Variants in C9orf57 observed in about 807,000 individuals in gnomAD.
C9orf57 encodes chromosome 9 open reading frame 57, also known as uncharacterized protein C9orf57.
C9orf57 carries 12 observed loss-of-function variants against 12.9 expected under a neutral mutation model. The observed-to-expected ratio is 0.93, with a 90% CI of 0.60 to 1.51. The LOEUF is 1.51. Ranked by LOEUF, C9orf57 falls within the 40% of genes most tolerant of loss-of-function variation. The pLI is 0.00. For missense variants in C9orf57, 141 were observed against 162.8 expected (o/e 0.87, Z 0.73); for synonymous variants, 49 against 57.1 (o/e 0.86, Z 0.64).
chr9:72,058,677 C>A (rs1186812791), intron 2 of C9orf57, among the ~76,000 whole-genome samples: 1 of 152,112 alleles, frequency 6.6e-6, no homozygotes, highest in Non-Finnish European at 1.5e-5. Context: ...ATGTTTTCTG[C>A]AATGTGTTTT....
chr9:72,060,562 C>A lies in C9orf57; in HGVS notation c.-119G>T, dbSNP rs143095490. On this transcript the variant is annotated 5_prime_UTR_variant, in exon 1 of 5. Transcript: ENST00000651200. Reference sequence around the variant, plus strand: ...CTGAACTTTCTTAAAAGGATGAGAACGAGTACAATTTGTGATGTGATGAAG... The same window carrying A: ...CTGAACTTTCTTAAAAGGATGAGAAAGAGTACAATTTGTGATGTGATGAAG... 2 of 1,545,986 alleles carry A rather than the reference C, an allele frequency of 1.3e-6. No individual in the cohort carries two copies. Among genetic ancestry groups the A allele is most frequent in the East Asian group, 2.5e-5 (1 of 40,800 alleles).
intron 4 of C9orf57, among the ~76,000 whole-genome samples, chr9:72,054,397 A>G (rs1470262887): frequency 6.6e-6 from 1 of 152,260 alleles, no homozygotes; most frequent in East Asian, 1.9e-4. Flanking sequence ...GTAGATACCA[A>G]GAAATAGAAT....
chr9:72,053,537 G>A (rs1824123902), intron 4 of C9orf57, among the ~76,000 whole-genome samples: 1 of 152,106 alleles, frequency 6.6e-6, no homozygotes, highest in African/African-American at 2.4e-5. Context: ...CCACATTCAG[G>A]AAGAGAAGAG....
In C9orf57 at chr9:72,056,855, C is replaced by A; in HGVS notation, c.98-12G>T. The stretch of plus-strand genomic sequence containing the variant: ...GCAGGTTCCCAGGTCTAAAAGACAT[C>A]CATGGAAGGGGATTGAAAGATTGCA... On this transcript the variant is annotated splice_polypyrimidine_tract_variant and intron_variant, in intron 2 of 4. Transcript: ENST00000651200. The A allele has an allele frequency of 1.3e-6, 2 of 1,548,974 alleles. No individual in the cohort carries two copies. The highest frequency in any genetic ancestry group is 2.4e-5 in the South Asian group (2 of 83,980).
chr9:72,054,332 G>A (rs745641789), intron 4 of C9orf57, among the ~76,000 whole-genome samples: 12 of 152,316 alleles, frequency 7.9e-5, no homozygotes, highest in South Asian at 2.1e-4. Flanking sequence ...ACTATTAAAC[G>A]TAATGCTGCA....
At chr9:72,057,952 G>A (rs904257770) in intron 2 of C9orf57, among the ~76,000 whole-genome samples, 1 of 152,258 alleles carries the variant, frequency 6.6e-6, no homozygotes, top group South Asian at 2.1e-4. Context: ...CTAGAAGATT[G>A]TTTTCCAAAT....
intron 4 of C9orf57, among the ~76,000 whole-genome samples, chr9:72,055,574 G>T (rs1824181502): frequency 6.6e-6 from 1 of 152,004 alleles, no homozygotes; most frequent in South Asian, 2.1e-4. Flanking sequence ...CTACAGGTGT[G>T]TGCTACCATG....
chr9:72,058,481 T>C (rs1824254935), intron 2 of C9orf57, among the ~76,000 whole-genome samples: 1 of 152,132 alleles, frequency 6.6e-6, no homozygotes, highest in Admixed American at 6.5e-5. Flanking sequence ...TTCTTATAGC[T>C]TCTGCAGGGA....
At chr9:72,059,090 T>C (rs1350654493) in intron 2 of C9orf57, 145 bp downstream of exon 2, 4 of 950,044 alleles carry the variant, frequency 4.2e-6, no homozygotes, top group East Asian at 5.4e-5. Flanking sequence ...TTGGTCAGGC[T>C]GGTCTTGAAC....
chr9:72,056,972 C>G, intron 2 of C9orf57, 129 bp from the exon 3 acceptor site: 1 of 663,794 alleles, frequency 1.5e-6, no homozygotes, highest in Non-Finnish European at 2.4e-6. Flanking sequence ...TGCAGTGGCA[C>G]AATCTCGGCT....
chr9:72,057,728 A>C (rs372230840), intron 2 of C9orf57, among the ~76,000 whole-genome samples: 2 of 152,216 alleles, frequency 1.3e-5, no homozygotes, highest in Non-Finnish European at 2.9e-5. Context: ...AATTTCAGCC[A>C]CATATTCACT....
rs1476789333 is a variant in C9orf57 at position 72,056,000 on chromosome 9, ATATGAAAG to A, written c.280+66_280+73del. On this transcript the variant is annotated intron_variant, in intron 4 of 4. Coordinates refer to ENST00000651200, the MANE Select transcript of C9orf57 (RefSeq NM_001128618.2). ...CAAAGCCCTTAGTGTAGCATCTGGT[ATATGAAAG>A]TTTGTTGTGATAAGCATTTTCCCTG... The A allele has an allele frequency of 2.1e-6, 3 of 1,445,894 alleles. No individual in the cohort carries two copies. In the East Asian group the frequency reaches 7.6e-5, roughly 37 times the overall value. The allele number at this position is 1,445,894 out of a possible 1,614,324, so 89.6% of individuals were successfully genotyped here.
intron 1 of C9orf57, among the ~76,000 whole-genome samples, chr9:72,060,018 A>G (rs939745796): frequency 6.6e-5 from 10 of 152,108 alleles, no homozygotes; most frequent in Non-Finnish European, 1.3e-4. Context: ...GAAAATACAC[A>G]TATTCATTCA....
chr9:72,056,714 G>A, intron 3 of C9orf57, 70 bp downstream of exon 3: 1 of 1,474,414 alleles, frequency 6.8e-7, no homozygotes, highest in Non-Finnish European at 9.2e-7. Context: ...TCTGGCATAT[G>A]AAAGTTTGTT....
rs1205129351 is a variant in C9orf57 at position 72,052,168 on chromosome 9, T to C, written c.*128A>G. On this transcript the variant is annotated 3_prime_UTR_variant, in exon 5 of 5. Transcript: ENST00000651200. Reference sequence around the variant, plus strand: ...AACCAAAGTCAATTTCAGATCAAAATTCCTTCTACCTACAAGGGTCTGAGG... The same window carrying C: ...AACCAAAGTCAATTTCAGATCAAAACTCCTTCTACCTACAAGGGTCTGAGG... The C allele has an allele frequency of 9.9e-7, 1 of 1,009,448 alleles. No homozygotes were observed. The highest frequency in any genetic ancestry group is 3.1e-5 in the Admixed American group (1 of 32,200). 62.5% of individuals were successfully genotyped at this position (1,009,448 alleles called of 1,614,324 possible). A position where few individuals can be genotyped will look rare whatever the true frequency, so the allele number is the denominator to read the frequency against.
intron 4 of C9orf57, 42 bp downstream of exon 4, chr9:72,056,032 T>A: frequency 6.6e-7 from 1 of 1,523,744 alleles, no homozygotes; most frequent in East Asian, 2.5e-5. Context: ...GCATTTTCCC[T>A]GTGCTTATTT....
intron 2 of C9orf57, 41 bp downstream of exon 2, chr9:72,059,194 A>G: frequency 6.5e-7 from 1 of 1,549,782 alleles, no homozygotes; most frequent in South Asian, 1.2e-5. Context: ...ATTTCTTAAT[A>G]ATTTTCTATC....
intron 2 of C9orf57, among the ~76,000 whole-genome samples, chr9:72,058,133 T>G (rs1443367517): frequency 6.6e-6 from 1 of 152,212 alleles, no homozygotes; most frequent in Non-Finnish European, 1.5e-5. Context: ...GACCAATGTT[T>G]GTGAATCGTT....
At position 72,056,080 on chromosome 9, in the gene C9orf57, T is replaced by C. The variant is rs1049297620; in HGVS notation, c.274A>G (p.Ile92Val). ...PGQYCKEEVH[I>V]QGGIQWYSVK... ...TTAAAGTGTCAAAACTTACCTTGAA[T>C]GTGGACCTCTTCTTTACAGTACTGA... Residue 92 changes from isoleucine (I) to valine (V), a missense_variant, in exon 4 of 5, where the codon ATT becomes GTT. Physicochemically the swap from Ile to Val is conservative, Grantham distance 29. Coordinates refer to ENST00000651200, the MANE Select transcript of C9orf57 (RefSeq NM_001128618.2). 1.3e-6 allele frequency: 2 copies of C among 1,546,514 alleles called. No homozygotes were observed. The highest frequency in any genetic ancestry group is 1.7e-6 in the Non-Finnish European group (2 of 1,144,060).
Sources: allele counts gnomAD v4.1 joint callset (sites outside exome capture counted in the v4.1 genomes callset), GRCh38; gene constraint gnomAD v4.1.1; transcripts MANE v1.5; gene names NCBI Gene and HGNC (gene_info 2026-07-23, HGNC 2026-07-21).